Variants in MTFR1 observed in about 807,000 individuals in gnomAD.
MTFR1 encodes mitochondrial fission regulator 1, also known as chondrocyte protein with a poly-proline region.
A neutral mutation model predicts 38.8 loss-of-function variants in MTFR1; 28 were observed. The observed-to-expected ratio is 0.72, with a 90% CI of 0.53 to 0.99. MTFR1 has a LOEUF of 0.99. Among genes scored for constraint, MTFR1 ranks in the 50% least tolerant of loss-of-function variants. The pLI, the probability that MTFR1 is intolerant of heterozygous loss-of-function variation, is 0.00. For synonymous variants in MTFR1, 145 were observed against 137.0 expected (o/e 1.06, Z -0.41); for missense variants, 358 against 395.5 (o/e 0.91, Z 0.81).
intron 3 of MTFR1, among the ~76,000 whole-genome samples, chr8:65,755,319 C>T (rs905698141): frequency 9.9e-5 from 15 of 152,214 alleles, no homozygotes; most frequent in Non-Finnish European, 2.1e-4. Flanking sequence ...TCATGCCCGG[C>T]CCATTATTGC....
chr8:65,768,615 G>T (rs1456770790), intron 3 of MTFR1, among the ~76,000 whole-genome samples: 3 of 152,122 alleles, frequency 2.0e-5, no homozygotes, highest in African/African-American at 7.2e-5. Flanking sequence ...CGTAAAAACA[G>T]ACTAATACAA....
intron 4 of MTFR1, among the ~76,000 whole-genome samples, chr8:65,694,999 G>A (rs1194843735): frequency 6.6e-6 from 1 of 152,194 alleles, no homozygotes; most frequent in Non-Finnish European, 1.5e-5. Flanking sequence ...TCTTACACGT[G>A]ACTCTAAGAA....
At chr8:65,775,998 T>C (rs1355762634), downstream of MTFR1, among the ~76,000 whole-genome samples, 2 of 152,144 alleles carry the variant, frequency 1.3e-5, no homozygotes, top group African/African-American at 4.8e-5. Flanking sequence ...TTCCCATCTT[T>C]CTGTTCTCTC....
intron 3 of MTFR1, among the ~76,000 whole-genome samples, chr8:65,741,584 T>C (rs1046953145): frequency 5.3e-5 from 8 of 152,224 alleles, no homozygotes; most frequent in African/African-American, 1.9e-4. Context: ...GAAAAAAGCA[T>C]TTCAAATCTT....
intron 2 of MTFR1, chr8:65,718,425 T>C (rs1323086481): frequency 6.6e-6 from 1 of 152,260 alleles, no homozygotes; most frequent in African/African-American, 2.4e-5. Flanking sequence ...GAGCTGATTA[T>C]GGTGTTTTAA....
At chr8:65,728,434 G>A (rs1199454855) in intron 3 of MTFR1, 1 of 152,128 alleles carries the variant, frequency 6.6e-6, no homozygotes, top group Non-Finnish European at 1.5e-5. Flanking sequence ...CTGAGGGCTT[G>A]AATCTCCTGG....
At chr8:65,720,129 T>C (rs1481627386) in intron 3 of MTFR1, among the ~76,000 whole-genome samples, 1 of 152,342 alleles carries the variant, frequency 6.6e-6, no homozygotes, top group East Asian at 1.9e-4. Context: ...AAACAATTCA[T>C]ATAATCTCCC....
At chr8:65,682,194 T>G (rs1804915712) in intron 2 of MTFR1, 159 bp from the exon 3 acceptor site, 1 of 316,080 alleles carries the variant, frequency 3.2e-6, no homozygotes, top group Admixed American at 4.9e-5. Context: ...TATTCTTTAT[T>G]TTTGGATTGA....
intron 4 of MTFR1, among the ~76,000 whole-genome samples, chr8:65,698,808 A>G (rs1390926031): frequency 6.6e-6 from 1 of 151,436 alleles, no homozygotes; most frequent in Non-Finnish European, 1.5e-5. Context: ...GGCTCACTGC[A>G]ACCTCCACCT....
chr8:65,770,809 C>G (rs534410758), intron 3 of MTFR1: 1 of 156,854 alleles, frequency 6.4e-6, no homozygotes, highest in South Asian at 1.9e-4. Context: ...ACTTCTTCCA[C>G]CAGCTCCTTA....
intron 1 of MTFR1, among the ~76,000 whole-genome samples, chr8:65,666,570 A>G (rs1024757104): frequency 4.6e-5 from 7 of 152,224 alleles, no homozygotes; most frequent in African/African-American, 1.7e-4. Flanking sequence ...TACTCAAGTT[A>G]TACTAACTAT....
At chr8:65,739,353 A>C in intron 3 of MTFR1, 9 of 879,510 alleles carry the variant, frequency 1.0e-5, no homozygotes, top group Middle Eastern at 3.6e-4. Flanking sequence ...CACAGATGCA[A>C]GAGCTAAATA....
intron 1 of MTFR1, among the ~76,000 whole-genome samples, chr8:65,649,654 A>G (rs572895434): frequency 7.9e-5 from 12 of 152,210 alleles, no homozygotes; most frequent in South Asian, 6.2e-4. Flanking sequence ...AAACAATCCA[A>G]TTATACTTTT....
chr8:65,702,849 T>C (rs192966718), intron 4 of MTFR1, among the ~76,000 whole-genome samples: 293 of 152,256 alleles, frequency 1.9e-3, no homozygotes, highest in South Asian at 8.1e-3. Flanking sequence ...TTTGCATTTA[T>C]GTAAATTGTG....
intron 3 of MTFR1, among the ~76,000 whole-genome samples, chr8:65,740,981 C>T (rs1249744092): frequency 6.6e-6 from 1 of 152,178 alleles, no homozygotes; most frequent in Non-Finnish European, 1.5e-5. Context: ...TGTTTTCGTC[C>T]TCAACGTCCA....
intron 1 of MTFR1, among the ~76,000 whole-genome samples, chr8:65,654,285 T>G (rs1245942808): frequency 2.0e-5 from 3 of 152,174 alleles, no homozygotes; most frequent in Admixed American, 2.0e-4. Context: ...TTAGTTATTT[T>G]TAATGGAATT....
At chr8:65,704,591 A>G (rs1470139487) in intron 4 of MTFR1, 103 bp from the exon 5 acceptor site, 6 of 881,142 alleles carry the variant, frequency 6.8e-6, no homozygotes, top group Non-Finnish European at 1.1e-5. Context: ...ATCAGCCTGA[A>G]AAGAGGTTCT....
chr8:65,651,012 T>C (rs940510586), intron 1 of MTFR1, among the ~76,000 whole-genome samples: 1 of 152,198 alleles, frequency 6.6e-6, no homozygotes, highest in Non-Finnish European at 1.5e-5. Flanking sequence ...GGTGAGATGG[T>C]ATGTCATTGT....
chr8:65,667,684 T>A (rs991601880), intron 1 of MTFR1, among the ~76,000 whole-genome samples: 2 of 152,152 alleles, frequency 1.3e-5, no homozygotes, highest in African/African-American at 4.8e-5. Context: ...TGCCTTGGCC[T>A]CCAGAGTGTT....
Sources: allele counts gnomAD v4.1 joint callset (sites outside exome capture counted in the v4.1 genomes callset), GRCh38; gene constraint gnomAD v4.1.1; transcripts MANE v1.5; gene names NCBI Gene and HGNC (gene_info 2026-07-23, HGNC 2026-07-21).